TSNARE1: variants seen among roughly 807,000 people sequenced by gnomAD.
TSNARE1 encodes the protein t-SNARE domain containing 1, also known as t-SNARE domain-containing protein 1.
Under a neutral mutation model 62.0 loss-of-function variants are expected in TSNARE1, and 49 were observed. The observed-to-expected ratio is 0.79, with a 90% CI of 0.63 to 1.00. TSNARE1 has a LOEUF of 1.00. Ranked by LOEUF, TSNARE1 falls within the 50% of genes least tolerant of loss-of-function variation. TSNARE1 has a pLI of 0.00. For missense variants in TSNARE1, 755 were observed against 700.1 expected (o/e 1.08, Z -0.88); for synonymous variants, 328 against 294.4 (o/e 1.11, Z -1.17).
chr8:142,315,066 A>AGGACGCTCCTGCTGC lies in TSNARE1; in HGVS notation c.996_1010dup (p.Gln334_Gln338dup). The AGGACGCTCCTGCTGC allele has an allele frequency of 6.2e-7, 1 of 1,614,144 alleles. No homozygotes were observed. Among genetic ancestry groups the AGGACGCTCCTGCTGC allele is most frequent in the Non-Finnish European group, 8.5e-7 (1 of 1,180,024 alleles). ...GCTGGGTTTTCAGCCGGTCCAGCTG[A>AGGACGCTCCTGCTGC]GGACGCTCCTGCTGCAGACGCTCCT... On this transcript the variant is annotated inframe_insertion, in exon 8 of 14. Transcript: ENST00000524325.
intron 2 of TSNARE1, among the ~76,000 whole-genome samples, chr8:142,347,776 T>C (rs1833567043): frequency 3.0e-5 from 2 of 67,014 alleles, no homozygotes; most frequent in South Asian, 1.4e-3. Flanking sequence ...CTCACCCAAG[T>C]CCAGAAGGAC....
At chr8:142,313,463 C>T (rs73368600) in intron 9 of TSNARE1, among the ~76,000 whole-genome samples, 42,033 of 151,332 alleles carry the variant, frequency 0.28, 5,908 homozygotes, top group African/African-American at 0.32. Context: ...CTGCATGTGT[C>T]TGCATGTCTG....
In TSNARE1 at chr8:142,375,748, C is replaced by T. The variant is rs551741329; in HGVS notation, c.-39-20985G>A. On this transcript the variant is annotated intron_variant, in intron 1 of 13. Transcript: ENST00000524325. ...CTGGGCCAAACTCCCCGCACAGAGA[C>T]CCCCAGTCATGGCAACTGAGGCCCA... Among the ~76,000 whole-genome samples, 25 of 152,346 alleles carry T rather than the reference C, an allele frequency of 1.6e-4. No individual in the cohort carries two copies. The East Asian group carries it at 3.5e-3, about 21-fold the overall frequency.
chr8:142,255,443 T>C (rs1430015154), intron 12 of TSNARE1, among the ~76,000 whole-genome samples: 22 of 69,652 alleles, frequency 3.2e-4, no homozygotes, highest in South Asian at 1.2e-3. Flanking sequence ...ACTGTCACCA[T>C]CACCACCACC....
intron 13 of TSNARE1, among the ~76,000 whole-genome samples, chr8:142,229,149 A>ATAGATGGGTGGG: frequency 6.7e-6 from 1 of 149,920 alleles, no homozygotes; most frequent in African/African-American, 2.5e-5. Context: ...AGATGGGTGG[A>ATAGATGGGTGGG]AGGTGGATGG....
intron 3 of TSNARE1, among the ~76,000 whole-genome samples, chr8:142,344,846 G>C (rs559613704): frequency 6.6e-6 from 1 of 152,316 alleles, no homozygotes; most frequent in East Asian, 1.9e-4. Context: ...GCTGCTCCCG[G>C]GATCAGCCCT....
intron 2 of TSNARE1, among the ~76,000 whole-genome samples, chr8:142,349,794 T>C (rs1833854817): frequency 6.6e-6 from 1 of 152,196 alleles, no homozygotes; most frequent in African/African-American, 2.4e-5. Context: ...CGGAGGTCTC[T>C]TCTCACCTCC....
chr8:142,363,000 T>C (rs934919496), intron 1 of TSNARE1, among the ~76,000 whole-genome samples: 1 of 152,060 alleles, frequency 6.6e-6, no homozygotes, highest in African/African-American at 2.4e-5. Flanking sequence ...CCTGGCCCCA[T>C]CCTAACTCAT....
At chr8:142,337,763 C>A (rs1018634021) in intron 4 of TSNARE1, among the ~76,000 whole-genome samples, 8 of 152,246 alleles carry the variant, frequency 5.3e-5, no homozygotes. Flanking sequence ...CCCGACTGGG[C>A]CAACTCATCA....
chr8:142,266,609 TC>T (rs1181976419), intron 12 of TSNARE1, among the ~76,000 whole-genome samples: 1 of 152,242 alleles, frequency 6.6e-6, no homozygotes, highest in Admixed American at 6.5e-5. Flanking sequence ...TCATCACTTC[TC>T]CCTTCTTTCA....
intron 6 of TSNARE1, among the ~76,000 whole-genome samples, chr8:142,322,986 G>C (rs138860017): frequency 1.3e-5 from 2 of 151,426 alleles, no homozygotes; most frequent in Admixed American, 6.6e-5. Flanking sequence ...ATGAAAGGCC[G>C]GTCTGGCCGT....
chr8:142,284,635 C>T, intron 10 of TSNARE1, 150 bp from the exon 11 acceptor site: 1 of 665,404 alleles, frequency 1.5e-6, no homozygotes, highest in Non-Finnish European at 2.7e-6. Flanking sequence ...CTGGTCTGTC[C>T]ACTTCCTGTG....
chr8:142,353,589 C>G (rs1251137107), intron 2 of TSNARE1, among the ~76,000 whole-genome samples: 1 of 152,230 alleles, frequency 6.6e-6, no homozygotes, highest in Admixed American at 6.5e-5. Flanking sequence ...CAGCCGCCCT[C>G]TCGAGCACAT....
chr8:142,311,122 T>C (rs1216456191), intron 9 of TSNARE1, among the ~76,000 whole-genome samples: 1 of 151,436 alleles, frequency 6.6e-6, no homozygotes, highest in African/African-American at 2.4e-5. Flanking sequence ...AGTGCTGGGA[T>C]TACAGGCGTG....
chr8:142,222,229 T>C (rs1282463196), intron 13 of TSNARE1, among the ~76,000 whole-genome samples: 6 of 14,266 alleles, frequency 4.2e-4, no homozygotes, highest in Admixed American at 6.2e-4. Context: ...CACTCACTCA[T>C]CCACTCATTC....
chr8:142,388,329 T>C (rs1322289271), intron 1 of TSNARE1, among the ~76,000 whole-genome samples: 3 of 152,096 alleles, frequency 2.0e-5, no homozygotes, highest in African/African-American at 7.2e-5. Context: ...AGCAGAGACA[T>C]TCCTAATAGG....
At chr8:142,245,258 CAAT>C (rs749531865) in intron 12 of TSNARE1, among the ~76,000 whole-genome samples, 4 of 152,188 alleles carry the variant, frequency 2.6e-5, no homozygotes, top group Non-Finnish European at 4.4e-5. Context: ...GGCTGGAAAG[CAAT>C]TCAGTCTCAG....
intron 7 of TSNARE1, among the ~76,000 whole-genome samples, chr8:142,318,076 A>C (rs751426673): frequency 6.6e-6 from 1 of 152,202 alleles, no homozygotes; most frequent in Non-Finnish European, 1.5e-5. Flanking sequence ...TGCCACGGCC[A>C]TATGTCTGGC....
At chr8:142,273,449 T>A in intron 12 of TSNARE1, 5 of 985,314 alleles carry the variant, frequency 5.1e-6, no homozygotes, top group Non-Finnish European at 6.0e-6. Context: ...CGACTAGAGG[T>A]GCTGGGCCAA....
Sources: allele counts gnomAD v4.1 joint callset (sites outside exome capture counted in the v4.1 genomes callset), GRCh38; gene constraint gnomAD v4.1.1; transcripts MANE v1.5; gene names NCBI Gene and HGNC (gene_info 2026-07-23, HGNC 2026-07-21).